SDF4: variants seen among roughly 807,000 people sequenced by gnomAD.
SDF4 encodes the protein stromal cell derived factor 4, also known as 45 kDa calcium-binding protein.
In SDF4, 22 loss-of-function variants were observed where a neutral mutation model predicts 34.2. That is an observed-to-expected ratio of 0.64 (90% confidence interval 0.46 to 0.92). The LOEUF is 0.92. SDF4 is among the 40% of genes least tolerant of loss of function. The probability of loss-of-function intolerance (pLI) is 0.00; values close to 1 mark genes in which losing one functional copy is unlikely to be tolerated. For synonymous variants in SDF4, 236 were observed against 203.1 expected, an observed-to-expected ratio of 1.16 and a Z score of -1.38; for missense variants, 447 against 499.9, an observed-to-expected ratio of 0.89 and a Z score of 1.01.
chr1:1,226,581 G>A (rs918663483), intron 2 of SDF4, among the ~76,000 whole-genome samples: 4 of 152,162 alleles, frequency 2.6e-5, no homozygotes, highest in Non-Finnish European at 4.4e-5. Flanking sequence ...CTGGAGGGAC[G>A]GGGCCCTACG....
Position 1,223,864 on chromosome 1 carries a change from G to A in SDF4, c.410C>T (p.Thr137Ile). The A allele has an allele frequency of 1.2e-6, 2 of 1,604,050 alleles. No individual in the cohort carries two copies. Among genetic ancestry groups the A allele is most frequent in the Non-Finnish European group, 1.7e-6 (2 of 1,178,300 alleles). ...HFQEAMEESK[T>I]HFRAVDPDGD... ...GTCAGGGTCCACGGCGCGGAAGTGT[G>A]TCTTGCTCTCCTCCATGGCCTCCTG... is the stretch of plus-strand genomic sequence containing the variant. Residue 137 changes from threonine to isoleucine, a missense_variant, in exon 3 of 7, where the codon ACA becomes ATA. Transcript: ENST00000360001.
chr1:1,219,677 C>T, intron 4 of SDF4: 3 of 986,464 alleles, frequency 3.0e-6, no homozygotes, highest in Non-Finnish European at 3.6e-6. Flanking sequence ...GGCCCTCACC[C>T]CGAGGTCCCC....
rs1270041097 is a variant in SDF4, at chr1:1,220,630, A to G, written c.557-1703T>C. On this transcript the variant is annotated intron_variant, in intron 4 of 6. Coordinates refer to ENST00000360001, the MANE Select transcript of SDF4 (RefSeq NM_016176.6). ...CACCTCAGCATGCATGGGGACCCCC[A>G]AAACGCAGAGTGAATTCTAAACACA... 2.3e-6 allele frequency: 3 copies of G among 1,289,230 alleles called. No individual in the cohort carries two copies. The East Asian group carries it at 1.7e-4, about 71-fold the overall frequency. The allele number at this position is 1,289,230 out of a possible 1,614,324, so 79.9% of individuals were successfully genotyped here.
intron 1 of SDF4, among the ~76,000 whole-genome samples, chr1:1,230,743 G>A (rs1395457037): frequency 6.6e-6 from 1 of 152,232 alleles, no homozygotes; most frequent in Non-Finnish European, 1.5e-5. Flanking sequence ...ATAGGCGTGA[G>A]CCATGCACCC....
At chr1:1,219,822 C>G (rs551011533) in intron 4 of SDF4, 4 of 985,732 alleles carry the variant, frequency 4.1e-6, no homozygotes, top group Admixed American at 6.1e-5. Context: ...ACGTGAGGCC[C>G]GACTCTGCCC....
At chr1:1,231,703 G>A (rs1638507280) in intron 1 of SDF4, among the ~76,000 whole-genome samples, 189 bp downstream of exon 1, 1 of 150,190 alleles carries the variant, frequency 6.7e-6, no homozygotes. Flanking sequence ...TCGTCGGCCT[G>A]TCCCTGCCCC....
At chr1:1,220,572 A>G (rs760505713) in intron 4 of SDF4, 1 of 1,282,238 alleles carries the variant, frequency 7.8e-7, no homozygotes, top group Admixed American at 2.3e-5. Context: ...CGGGGAGGCC[A>G]AGACGGATCG....
chr1:1,228,760 A>G lies in SDF4; in HGVS notation c.13T>C (p.Trp5Arg). ...GGAGCCAGGCCAATGAGGGGACCCC[A>G]CCTGGACGCCATCGCCACCCAGGGC... MASR[W>R]GPLIGLAPCC... Residue 5 changes from tryptophan (W) to arginine (R), a missense_variant, in exon 2 of 7, where the codon TGG becomes CGG. Transcript: ENST00000360001. The G allele has an allele frequency of 6.2e-7, 1 of 1,609,508 alleles. No homozygotes were observed. The highest frequency in any genetic ancestry group is 8.5e-7 in the Non-Finnish European group (1 of 1,179,144).
chr1:1,220,377 C>G (rs4970422), intron 4 of SDF4: 1 of 1,142,666 alleles, frequency 8.8e-7, no homozygotes. Flanking sequence ...GTCTGAGGCG[C>G]GAGGACAGCA....
chr1:1,218,576 G>T lies in SDF4; in HGVS notation c.773C>A (p.Thr258Asn). The stretch of plus-strand genomic sequence containing the variant: ...GTCCTGGCCCTGCTGGTTCTCCACG[G>T]TGCCCACGGGCAGGGAGATGAACTC... ...VPEFISLPVG[T>N]VENQQGQDID... The change falls in exon 6 of 7, where the codon ACC becomes AAC. Residue 258 changes from threonine to asparagine, a missense_variant. Transcript: ENST00000360001. This position sits in a 1 kb window ranked among gnomAD's most constrained non-coding sequence, Gnocchi z 7.9. The T allele has an allele frequency of 6.2e-7, 1 of 1,614,082 alleles. No homozygotes were observed. The highest frequency in any genetic ancestry group is 8.5e-7 in the Non-Finnish European group (1 of 1,179,950).
Position 1,228,960 on chromosome 1 carries a change from C to T in SDF4, c.-174-14G>A, listed in dbSNP as rs1366503469. ...GCAGCTCACAGTCTGCAGAGAGACACAGACACATCATTAGCAAGACTCAGC... is the reference window on the plus strand; with the variant it reads ...GCAGCTCACAGTCTGCAGAGAGACATAGACACATCATTAGCAAGACTCAGC... On this transcript the variant is annotated splice_polypyrimidine_tract_variant and intron_variant, in intron 1 of 6. Transcript: ENST00000360001. The T allele has an allele frequency of 1.2e-5, 7 of 598,302 alleles. No individual in the cohort carries two copies. Among genetic ancestry groups the T allele is most frequent in the African/African-American group, 1.9e-5 (1 of 53,846 alleles). 37.1% of individuals were successfully genotyped at this position (598,302 alleles called of 1,614,324 possible). A position where few individuals can be genotyped will look rare whatever the true frequency, so the allele number is the denominator to read the frequency against.
intron 2 of SDF4, among the ~76,000 whole-genome samples, chr1:1,225,420 C>T (rs112760581): frequency 0.01 from 1,571 of 152,324 alleles, 27 homozygotes; most frequent in African/African-American, 0.035. Flanking sequence ...GCCAGGCAAG[C>T]TTCGAGGGTG....
rs1248209650 is a variant in SDF4 at position 1,228,566 on chromosome 1, G to C, written c.207C>G (p.Gly69=). 6.2e-7 allele frequency: 1 copy of C among 1,613,162 alleles called. No individual in the cohort carries two copies. Among genetic ancestry groups the C allele is most frequent in the Non-Finnish European group, 8.5e-7 (1 of 1,180,016 alleles). ...KLEMDGHLNR[G]FHQEVFLGKD... ...TGCCTAGGAAGACCTCCTGGTGGAA[G>C]CCGCGATTGAGGTGCCCGTCCATCT... The change falls in exon 2 of 7, where the codon GGC becomes GGG. Residue 69 remains glycine, a synonymous_variant. Transcript: ENST00000360001.
chr1:1,222,159 G>C (rs1650003338), intron 4 of SDF4, among the ~76,000 whole-genome samples: 1 of 152,226 alleles, frequency 6.6e-6, no homozygotes, highest in Admixed American at 6.5e-5. Flanking sequence ...CGACGGAGCA[G>C]GCGACTCTGC....
In SDF4 at chr1:1,223,820, C is replaced by CCCCCCCCCCCAT; in HGVS notation, c.442+11_442+12insATGGGGGGGGGG. On this transcript the variant is annotated intron_variant, in intron 3 of 6. Coordinates refer to ENST00000360001, the MANE Select transcript of SDF4 (RefSeq NM_016176.6). Reference sequence around the variant, plus strand: ...GCCCACCGCCCCACCCACCCCGGCCCAGCCACAGTACCGTCCCCGTCAGGG... The same window carrying CCCCCCCCCCCAT: ...GCCCACCGCCCCACCCACCCCGGCCCCCCCCCCCCCATAGCCACAGTACCGTCCCCGTCAGGG... 1 of 1,515,854 alleles carries CCCCCCCCCCCAT rather than the reference C, an allele frequency of 6.6e-7. No individual in the cohort carries two copies. The highest frequency in any genetic ancestry group is 8.9e-7 in the Non-Finnish European group (1 of 1,117,562). 93.9% of individuals were successfully genotyped at this position (1,515,854 alleles called of 1,614,324 possible).
chr1:1,228,279 C>G (rs1434031286), intron 2 of SDF4, among the ~76,000 whole-genome samples, 189 bp downstream of exon 2: 3 of 152,252 alleles, frequency 2.0e-5, no homozygotes, highest in African/African-American at 7.2e-5. Context: ...AGGAGCGGCT[C>G]TGGGCTGCCA....
rs1650079987 is a variant in SDF4 at position 1,223,241 on chromosome 1, C to T, written c.556+3G>A. On this transcript the variant is annotated splice_donor_region_variant and intron_variant, in intron 4 of 6. Coordinates refer to ENST00000360001, the MANE Select transcript of SDF4 (RefSeq NM_016176.6). ...GGTGGCGGGAGCCTGGCTGAGCACTCACTTTCCTCATCCACTTTGAGTTCC... is the reference window on the plus strand; with the variant it reads ...GGTGGCGGGAGCCTGGCTGAGCACTTACTTTCCTCATCCACTTTGAGTTCC... 1 of 1,606,566 alleles carries T rather than the reference C, an allele frequency of 6.2e-7. No individual in the cohort carries two copies. The highest frequency in any genetic ancestry group is 1.7e-5 in the Admixed American group (1 of 59,996).
chr1:1,225,600 G>A (rs372169600), intron 2 of SDF4, among the ~76,000 whole-genome samples: 2 of 152,322 alleles, frequency 1.3e-5, no homozygotes. Flanking sequence ...CTGGGGACGG[G>A]GCCACCCGGG....
Position 1,217,637 on chromosome 1 carries a change from T to A in SDF4, c.943A>T (p.Met315Leu), listed in dbSNP as rs1649599130. 6.2e-7 allele frequency: 1 copy of A among 1,613,802 alleles called. No homozygotes were observed. Among genetic ancestry groups the A allele is most frequent in the East Asian group, 2.2e-5 (1 of 44,830 alleles). The change falls in exon 7 of 7, where the codon ATG becomes TTG. Residue 315 changes from methionine to leucine, a missense_variant. Transcript: ENST00000360001. The surrounding 1 kb of genome is among the most constrained non-coding windows in gnomAD (Gnocchi z 8.5). ...EYNALNEAKQMIAVADENQNH... is the reference protein window; with the variant it reads ...EYNALNEAKQLIAVADENQNH... ...TGGTTCTCGTCGGCGACGGCGATCA[T>A]CTGCTTGGCCTCGTTCAGCGCGTTG... is the stretch of plus-strand genomic sequence containing the variant.
Sources: allele counts gnomAD v4.1 joint callset (sites outside exome capture counted in the v4.1 genomes callset), GRCh38; gene constraint gnomAD v4.1.1; non-coding constraint Gnocchi (gnomAD v3.1); transcripts MANE v1.5; gene names NCBI Gene and HGNC (gene_info 2026-07-23, HGNC 2026-07-21).